KLHL20: variants seen among roughly 807,000 people sequenced by gnomAD.
The protein encoded by KLHL20 is kelch like family member 20.
Under a neutral mutation model 69.5 loss-of-function variants are expected in KLHL20, and 29 were observed. The observed-to-expected ratio is 0.42, with a 90% confidence interval of 0.31 to 0.57. KLHL20 has a LOEUF of 0.57. Ranked by LOEUF, KLHL20 falls within the 20% of genes least tolerant of loss-of-function variation. The probability of loss-of-function intolerance (pLI) is 0.18; values close to 1 mark genes in which losing one functional copy is unlikely to be tolerated. For missense variants in KLHL20, 419 were observed against 776.0 expected (o/e 0.54, Z 5.47); for synonymous variants, 253 against 265.2 (o/e 0.95, Z 0.45).
At chr1:173,765,672 T>C (rs1052666087) in intron 7 of KLHL20, among the ~76,000 whole-genome samples, 15 of 152,084 alleles carry the variant, frequency 9.9e-5, no homozygotes, top group Admixed American at 2.0e-4. Context: ...ACACATATAA[T>C]AGTAAAATAA....
intron 2 of KLHL20, among the ~76,000 whole-genome samples, chr1:173,724,678 A>G (rs1671871858): frequency 6.6e-6 from 1 of 152,136 alleles, no homozygotes; most frequent in African/African-American, 2.4e-5. Context: ...GGTGACTCAC[A>G]CCTGTAGTCC....
At chr1:173,745,451 C>G (rs552271136) in intron 3 of KLHL20, among the ~76,000 whole-genome samples, 21 of 152,092 alleles carry the variant, frequency 1.4e-4, no homozygotes, top group African/African-American at 5.1e-4. Flanking sequence ...GTGTGAGCCA[C>G]CCCACCCAGC....
chr1:173,736,699 G>A lies in KLHL20; in HGVS notation c.597+2413G>A, dbSNP rs142007337. ...CAACCTCCGCCTCCCGGGTTCAAGC[G>A]ATTCTCCCACCTCAGCCTCCCGAGT... On this transcript the variant is annotated intron_variant, in intron 3 of 11. Coordinates refer to ENST00000209884, the MANE Select transcript of KLHL20 (RefSeq NM_014458.4). Among the ~76,000 whole-genome samples the A allele has an allele frequency of 5.8e-3, 876 of 151,792 alleles. 9 individuals carry two copies. The highest frequency in any genetic ancestry group is 0.02 in the African/African-American group (833 of 41,392).
intron 8 of KLHL20, among the ~76,000 whole-genome samples, chr1:173,766,494 A>AG (rs1348471567): frequency 6.6e-6 from 1 of 150,822 alleles, no homozygotes; most frequent in Admixed American, 6.6e-5. Context: ...AAAAAAAAAA[A>AG]AATTAGCCGG....
At chr1:173,724,843 G>T (rs1671884329) in intron 2 of KLHL20, among the ~76,000 whole-genome samples, 2 of 152,072 alleles carry the variant, frequency 1.3e-5, no homozygotes, top group African/African-American at 4.8e-5. Context: ...ATATTATCTG[G>T]AATGACTTTT....
At chr1:173,768,906 G>C (rs1647902846) in intron 8 of KLHL20, among the ~76,000 whole-genome samples, 3 of 152,144 alleles carry the variant, frequency 2.0e-5, no homozygotes, top group Admixed American at 2.0e-4. Flanking sequence ...GGAGAAATCA[G>C]AAAGAAGCAA....
chr1:173,756,818 A>G (rs1032797367), intron 6 of KLHL20, among the ~76,000 whole-genome samples, 158 bp from the exon 7 acceptor site: 1 of 152,250 alleles, frequency 6.6e-6, no homozygotes, highest in Non-Finnish European at 1.5e-5. Flanking sequence ...AGATTATAGC[A>G]ATCCCAGTGG....
At chr1:173,778,481 A>G (rs1648629813) in intron 10 of KLHL20, among the ~76,000 whole-genome samples, 1 of 151,336 alleles carries the variant, frequency 6.6e-6, no homozygotes, top group African/African-American at 2.4e-5. Context: ...TGTGCACACC[A>G]TCATGCCCAG....
rs541435318 is a variant in KLHL20 at position 173,740,324 on chromosome 1, G to A, written c.597+6038G>A. ...TTTTTAGTAAAGATGGGGTTTCACC[G>A]TGGTCTTGATCTCCTGACCTCGTGA... On this transcript the variant is annotated intron_variant, in intron 3 of 11. Coordinates refer to ENST00000209884, the MANE Select transcript of KLHL20 (RefSeq NM_014458.4). Among the ~76,000 whole-genome samples, 5 of 151,198 alleles carry A rather than the reference G, an allele frequency of 3.3e-5. 1 individual carries two copies. The highest frequency in any genetic ancestry group is 2.1e-4 in the South Asian group (1 of 4,784).
At chr1:173,758,561 C>T (rs902835414) in intron 7 of KLHL20, among the ~76,000 whole-genome samples, 7 of 152,202 alleles carry the variant, frequency 4.6e-5, no homozygotes, top group Admixed American at 4.6e-4. Flanking sequence ...GCCCCAACTG[C>T]AGAAATGGGA....
chr1:173,752,167 C>A (rs551271990), intron 4 of KLHL20, among the ~76,000 whole-genome samples: 1 of 150,434 alleles, frequency 6.6e-6, no homozygotes, highest in Non-Finnish European at 1.5e-5. Context: ...AACCAGGAGG[C>A]GAAGATTGCA....
intron 3 of KLHL20, 74 bp downstream of exon 3, chr1:173,734,360 C>A: frequency 1.6e-6 from 2 of 1,219,748 alleles, no homozygotes; most frequent in Non-Finnish European, 1.2e-6. Flanking sequence ...CTAAATAACA[C>A]TTGCCTGGGT....
chr1:173,719,223 T>C (rs190303808), intron 2 of KLHL20, among the ~76,000 whole-genome samples: 206 of 152,236 alleles, frequency 1.4e-3, no homozygotes, highest in Non-Finnish European at 2.0e-3. Flanking sequence ...ACCAGTCCCA[T>C]TTGAGAGAGA....
chr1:173,749,666 C>T (rs1020034675), intron 3 of KLHL20, among the ~76,000 whole-genome samples: 21 of 152,060 alleles, frequency 1.4e-4, no homozygotes, highest in Admixed American at 7.2e-4. Context: ...TGTCATCTTG[C>T]GTTTCCATTA....
At chr1:173,731,810 C>T (rs911466432) in intron 2 of KLHL20, among the ~76,000 whole-genome samples, 11 of 152,136 alleles carry the variant, frequency 7.2e-5, no homozygotes, top group African/African-American at 2.4e-4. Context: ...CACATGTATA[C>T]ATATGTAACA....
intron 2 of KLHL20, among the ~76,000 whole-genome samples, chr1:173,718,019 A>G (rs891654150): frequency 1.3e-5 from 2 of 152,188 alleles, no homozygotes; most frequent in African/African-American, 4.8e-5. Context: ...CACTGTAAGC[A>G]GTTTCTTATG....
Position 173,775,813 on chromosome 1 carries a change from G to A in KLHL20, c.1609G>A (p.Val537Met), listed in dbSNP as rs781046375. 7 of 1,614,200 alleles carry A rather than the reference G, an allele frequency of 4.3e-6. No individual in the cohort carries two copies. The highest frequency in any genetic ancestry group is 5.9e-6 in the Non-Finnish European group (7 of 1,180,008). ...CCCCAGAACCAACCAGTGGTCTCCA[G>A]TGGTGGCCATGACATCACGCCGTAG... ...YNPRTNQWSP[V>M]VAMTSRRSGV... is the part of the protein sequence containing the mutation. Residue 537 changes from valine (V) to methionine (M), a missense_variant, in exon 10 of 12, where the codon GTG becomes ATG. Val to Met is a conservative substitution (Grantham distance 21, BLOSUM62 1). Transcript: ENST00000209884.
At chr1:173,769,469 A>C (rs1439332366) in intron 8 of KLHL20, among the ~76,000 whole-genome samples, 1 of 152,116 alleles carries the variant, frequency 6.6e-6, no homozygotes, top group Non-Finnish European at 1.5e-5. Flanking sequence ...GAAAGCCAAG[A>C]CAAAAGTAAG....
chr1:173,728,031 G>T (rs1409999078), intron 2 of KLHL20, among the ~76,000 whole-genome samples: 1 of 152,138 alleles, frequency 6.6e-6, no homozygotes, highest in African/African-American at 2.4e-5. Flanking sequence ...ACACACATAG[G>T]TTCAAAATAA....
Sources: gnomAD v4.1 joint callset for allele counts (sites outside exome capture counted in the v4.1 genomes callset) on GRCh38, gnomAD v4.1.1 for gene constraint, MANE v1.5 for transcripts, NCBI Gene and HGNC (gene_info 2026-07-23, HGNC 2026-07-21) for gene names.